ASCC3: variants seen among roughly 807,000 people sequenced by gnomAD.
ASCC3 encodes the protein activating signal cointegrator 1 complex subunit 3.
A neutral mutation model predicts 256.3 loss-of-function variants in ASCC3; 158 were observed. That is an observed-to-expected ratio of 0.62 (90% CI 0.54 to 0.70). The LOEUF (loss-of-function observed/expected upper bound fraction) is 0.70, where lower values mean the gene tolerates loss of function less well. Ranked by LOEUF, ASCC3 falls within the 30% of genes least tolerant of loss-of-function variation. ASCC3 has a pLI of 0.00. For missense variants in ASCC3, 2,259 were observed against 2,626.0 expected (o/e 0.86, Z 3.05); for synonymous variants, 948 against 883.4 (o/e 1.07, Z -1.30).
intron 37 of ASCC3, chr6:100,530,733 C>T: frequency 1.0e-6 from 1 of 957,884 alleles, no homozygotes; most frequent in South Asian, 1.3e-5. Context: ...AGAACCAGGA[C>T]AATTTAAGGA....
intron 13 of ASCC3, among the ~76,000 whole-genome samples, chr6:100,712,021 T>C (rs1245770907): frequency 6.6e-6 from 1 of 152,092 alleles, no homozygotes; most frequent in Non-Finnish European, 1.5e-5. Flanking sequence ...AAGGAGTGAA[T>C]ATAGTCTTTC....
chr6:100,761,674 G>T (rs1781429254), intron 10 of ASCC3, among the ~76,000 whole-genome samples: 1 of 152,066 alleles, frequency 6.6e-6, no homozygotes, highest in Non-Finnish European at 1.5e-5. Flanking sequence ...CAACATGCAT[G>T]ACTATGGCTG....
chr6:100,846,088 T>A (rs1000378855), intron 4 of ASCC3, among the ~76,000 whole-genome samples: 15 of 152,284 alleles, frequency 9.9e-5, no homozygotes, highest in African/African-American at 3.4e-4. Flanking sequence ...ATGGCCTTTT[T>A]AATTATCCTC....
At chr6:100,770,749 T>C (rs1272745043) in intron 8 of ASCC3, among the ~76,000 whole-genome samples, 1 of 151,946 alleles carries the variant, frequency 6.6e-6, no homozygotes, top group Admixed American at 6.6e-5. Context: ...CTGTTATGAA[T>C]TTCTTAAGGA....
intron 37 of ASCC3, among the ~76,000 whole-genome samples, chr6:100,524,562 T>C (rs901256935): frequency 1.4e-4 from 21 of 152,212 alleles, no homozygotes; most frequent in African/African-American, 5.1e-4. Flanking sequence ...TATCATTAAA[T>C]GTACATAAAG....
In ASCC3 at chr6:100,662,273, T is replaced by A. The variant is rs938848140; in HGVS notation, c.2478+72A>T. ...AAACAGCCAAATCACAATATTTTTC[T>A]ATGTAAGTCAACCCAGAGCCTTGCT... On this transcript the variant is annotated intron_variant, in intron 15 of 41. Transcript: ENST00000369162. 3.4e-6 allele frequency: 5 copies of A among 1,457,004 alleles called. 1 individual carries two copies. The highest frequency in any genetic ancestry group is 2.2e-5 in the Admixed American group (1 of 45,424). The allele number at this position is 1,457,004 out of a possible 1,614,324, so 90.3% of individuals were successfully genotyped here. A position where few individuals can be genotyped will look rare whatever the true frequency, so the allele number is the denominator to read the frequency against.
chr6:100,761,683 T>G (rs1002588840), intron 10 of ASCC3, among the ~76,000 whole-genome samples: 1 of 152,122 alleles, frequency 6.6e-6, no homozygotes, highest in Non-Finnish European at 1.5e-5. Flanking sequence ...TGACTATGGC[T>G]GCACAAAAAG....
intron 36 of ASCC3, among the ~76,000 whole-genome samples, chr6:100,559,175 A>G (rs1028439373): frequency 1.3e-5 from 2 of 152,166 alleles, no homozygotes; most frequent in Non-Finnish European, 2.9e-5. Context: ...TAGGGCATTC[A>G]CTACTCAACA....
intron 8 of ASCC3, among the ~76,000 whole-genome samples, chr6:100,793,375 T>C (rs1366538560): frequency 6.6e-6 from 1 of 151,952 alleles, no homozygotes; most frequent in East Asian, 1.9e-4. Context: ...CACTAAAACC[T>C]GGTCATGCCC....
intron 36 of ASCC3, among the ~76,000 whole-genome samples, chr6:100,572,123 A>G (rs908477228): frequency 6.6e-6 from 1 of 152,092 alleles, no homozygotes; most frequent in Non-Finnish European, 1.5e-5. Flanking sequence ...CCCCCCCATT[A>G]ATATGTTAAA....
At chr6:100,582,140 G>A (rs1410475484) in intron 36 of ASCC3, among the ~76,000 whole-genome samples, 2 of 151,884 alleles carry the variant, frequency 1.3e-5, no homozygotes, top group Non-Finnish European at 2.9e-5. Context: ...TTGGTAGCTT[G>A]ATGGGGATGG....
At chr6:100,702,014 C>T (rs1778380425) in intron 13 of ASCC3, among the ~76,000 whole-genome samples, 1 of 152,122 alleles carries the variant, frequency 6.6e-6, no homozygotes. Context: ...ATGAGAATAA[C>T]TGGGCCCTTA....
intron 20 of ASCC3, among the ~76,000 whole-genome samples, chr6:100,649,123 G>T (rs2114907567): frequency 6.6e-6 from 1 of 151,856 alleles, no homozygotes; most frequent in Middle Eastern, 3.4e-3. Context: ...AATCCATAAT[G>T]GCTGTTTAAG....
chr6:100,752,079 C>T (rs968917381), intron 10 of ASCC3, among the ~76,000 whole-genome samples: 2 of 152,106 alleles, frequency 1.3e-5, no homozygotes, highest in African/African-American at 4.8e-5. Flanking sequence ...TTAAGAACAG[C>T]TGTGCTTTTC....
intron 36 of ASCC3, among the ~76,000 whole-genome samples, chr6:100,545,075 G>GA (rs1011401716): frequency 1.8e-4 from 27 of 148,936 alleles, no homozygotes; most frequent in Admixed American, 4.0e-4. Context: ...CAGTTATACA[G>GA]AAAAAAAAAA....
intron 30 of ASCC3, among the ~76,000 whole-genome samples, chr6:100,608,148 ATATATACATATT>A (rs1456633956): frequency 2.4e-5 from 3 of 123,726 alleles, no homozygotes; most frequent in Non-Finnish European, 4.8e-5. Flanking sequence ...ATATATATCT[ATATATACATATT>A]TATATACATA....
At chr6:100,845,487 AG>A (rs886066607) in intron 4 of ASCC3, among the ~76,000 whole-genome samples, 2 of 152,094 alleles carry the variant, frequency 1.3e-5, no homozygotes, top group African/African-American at 2.4e-5. Context: ...GGAGAGGAGG[AG>A]AAATGCCTCA....
Position 100,861,441 on chromosome 6 carries a change from T to C in ASCC3, c.241+2623A>G, listed in dbSNP as rs148809744. Among the ~76,000 whole-genome samples the C allele has an allele frequency of 3.1e-3, 475 of 152,276 alleles. 3 individuals are homozygous for C. Among genetic ancestry groups the C allele is most frequent in the African/African-American group, 0.011 (461 of 41,586 alleles). The stretch of plus-strand genomic sequence containing the variant: ...TTGCTTAACCTTTTTAATACAATTA[T>C]AGCAAAATTGTCTATGATAGAAGAT... On this transcript the variant is annotated intron_variant, in intron 3 of 41. Coordinates refer to ENST00000369162, the MANE Select transcript of ASCC3 (RefSeq NM_006828.4).
chr6:100,721,259 T>C (rs571286833), intron 11 of ASCC3, among the ~76,000 whole-genome samples: 1 of 151,904 alleles, frequency 6.6e-6, no homozygotes. Context: ...TCTAATGTTC[T>C]ATAGTTGAAG....
Sources: gnomAD v4.1 joint callset for allele counts (sites outside exome capture counted in the v4.1 genomes callset) on GRCh38, gnomAD v4.1.1 for gene constraint, MANE v1.5 for transcripts, NCBI Gene and HGNC (gene_info 2026-07-23, HGNC 2026-07-21) for gene names.